The following NIPSNAP3B variants were observed in gnomAD, a reference collection of about 807,000 sequenced individuals.
NIPSNAP3B encodes protein NipSnap homolog 3B.
A neutral mutation model predicts 31.5 loss-of-function variants in NIPSNAP3B; 30 were observed. That is an observed-to-expected ratio of 0.95 (90% CI 0.71 to 1.29). NIPSNAP3B has a LOEUF of 1.29. NIPSNAP3B is among the 50% of genes most tolerant of loss of function. The pLI is 0.00. For synonymous variants in NIPSNAP3B, 106 were observed against 107.9 expected, an observed-to-expected ratio of 0.98 and a Z score of 0.11; for missense variants, 269 against 300.7, an observed-to-expected ratio of 0.89 and a Z score of 0.78.
chr9:104,787,279 A>G, the NIPSNAP3B span, among the ~76,000 whole-genome samples: 834 of 152,328 alleles, frequency 5.5e-3, 9 homozygotes, highest in African/African-American at 0.018. Flanking sequence ...TTCATGACTG[A>G]TAAGTATATA....
In NIPSNAP3B at chr9:104,764,175, G is replaced by A. The variant is rs1019130129; in HGVS notation, c.-66G>A. 1.1e-5 allele frequency: 16 copies of A among 1,474,170 alleles called. No individual in the cohort carries two copies. In the East Asian group the frequency reaches 3.0e-4, roughly 27 times the overall value. The allele number at this position is 1,474,170 out of a possible 1,614,324, so 91.3% of individuals were successfully genotyped here. A position where few individuals can be genotyped will look rare whatever the true frequency, so the allele number is the denominator to read the frequency against. Reference sequence around the variant, plus strand: ...TCCAGGAGCCGCTTTTTTCCACTCGGGAAGACTTCAGAGAAGTCTCACAAA... The same window carrying A: ...TCCAGGAGCCGCTTTTTTCCACTCGAGAAGACTTCAGAGAAGTCTCACAAA... On this transcript the variant is annotated 5_prime_UTR_variant, in exon 1 of 6. Transcript: ENST00000374762.
chr9:104,781,412 T>C (rs1196749404), downstream of NIPSNAP3B: 1 of 149,130 alleles, frequency 6.7e-6, no homozygotes, highest in African/African-American at 2.5e-5. Context: ...TACTAGTAGA[T>C]AATAACAAGG....
At chr9:104,768,817 CG>C (rs747877367) in intron 2 of NIPSNAP3B, 45 bp from the exon 3 acceptor site, 8 of 1,536,146 alleles carry the variant, frequency 5.2e-6, no homozygotes, top group Non-Finnish European at 7.1e-6. Flanking sequence ...AAAATATGGG[CG>C]ATTTTAAATA....
chr9:104,786,527 T>A, the NIPSNAP3B span: 4 of 809,130 alleles, frequency 4.9e-6, no homozygotes, highest in South Asian at 5.7e-5. Context: ...GGGATGATGC[T>A]GTTCAGTGTA....
At position 104,775,673 on chromosome 9, in the gene NIPSNAP3B, C is replaced by T. The variant is rs576078847; in HGVS notation, c.*2600C>T. ...CAGGCTCATCACATCCAGGTGTGTT[C>T]CCCACACCTCCACCTGAATGTCTAT... On this transcript the variant is annotated 3_prime_UTR_variant, in exon 6 of 6. Coordinates refer to ENST00000374762, the MANE Select transcript of NIPSNAP3B (RefSeq NM_018376.4). Among the ~76,000 whole-genome samples the T allele has an allele frequency of 6.6e-6, 1 of 152,112 alleles. No homozygotes were observed. The highest frequency in any genetic ancestry group is 1.5e-5 in the Non-Finnish European group (1 of 68,022).
At chr9:104,787,179 G>C in the NIPSNAP3B span, among the ~76,000 whole-genome samples, 1 of 152,056 alleles carries the variant, frequency 6.6e-6, no homozygotes, top group African/African-American at 2.4e-5. Context: ...ATTGATGCAG[G>C]AAACTCAAAT....
downstream of NIPSNAP3B, among the ~76,000 whole-genome samples, chr9:104,780,484 G>C (rs893650114): frequency 6.6e-6 from 1 of 152,146 alleles, no homozygotes; most frequent in African/African-American, 2.4e-5. Context: ...CTCATATGTT[G>C]TCTGCACAGC....
intron 1 of NIPSNAP3B, among the ~76,000 whole-genome samples, chr9:104,765,980 A>G (rs1828082651): frequency 6.6e-6 from 1 of 152,248 alleles, no homozygotes; most frequent in African/African-American, 2.4e-5. Flanking sequence ...TATTGGCTAA[A>G]CAGGGGAAAA....
chr9:104,768,955 G>T lies in NIPSNAP3B; in HGVS notation c.364G>T (p.Asp122Tyr). 6.2e-7 allele frequency: 1 copy of T among 1,613,940 alleles called. No individual in the cohort carries two copies. Among genetic ancestry groups the T allele is most frequent in the South Asian group, 1.1e-5 (1 of 91,068 alleles). ...TATCATTCCAAATTTGGCTCGCATT[G>T]ATAAACAAGAGACGGAAATTACTTA... is the stretch of plus-strand genomic sequence containing the variant. ...QSIIPNLARI[D>Y]KQETEITYLI... Residue 122 changes from aspartate (D) to tyrosine (Y), a missense_variant, in exon 3 of 6, where the codon GAT becomes TAT. Transcript: ENST00000374762.
At chr9:104,765,682 T>A (rs1442194334) in intron 1 of NIPSNAP3B, among the ~76,000 whole-genome samples, 1 of 152,226 alleles carries the variant, frequency 6.6e-6, no homozygotes, top group Non-Finnish European at 1.5e-5. Flanking sequence ...TGAGTTTTTT[T>A]CCTTTTCAGC....
Position 104,765,875 on chromosome 9 carries a change from G to A in NIPSNAP3B, c.61-450G>A, listed in dbSNP as rs184123719. 2.7e-4 allele frequency among the ~76,000 whole-genome samples: 41 copies of A among 152,206 alleles called. No homozygotes were observed. In the East Asian group the frequency reaches 7.9e-3, roughly 29 times the overall value. On this transcript the variant is annotated intron_variant, in intron 1 of 5. Coordinates refer to ENST00000374762, the MANE Select transcript of NIPSNAP3B (RefSeq NM_018376.4). ...TTTTAAAAACAAGAGTTTTTTGTTA[G>A]TAAACGTATTTTTGGGCCTGCCAAA...
At chr9:104,785,303 A>C in the NIPSNAP3B span, 5 of 1,524,930 alleles carry the variant, frequency 3.3e-6, no homozygotes, top group Non-Finnish European at 4.5e-6. Flanking sequence ...GCACCAATTC[A>C]AGATACAAAC....
the NIPSNAP3B span, chr9:104,786,950 G>A: frequency 6.2e-7 from 1 of 1,614,008 alleles, no homozygotes; most frequent in African/African-American, 1.3e-5. Context: ...GCCGGGCTTT[G>A]GGATCCATGC....
the NIPSNAP3B span, chr9:104,785,264 T>C: frequency 2.6e-5 from 32 of 1,218,936 alleles, no homozygotes; most frequent in Non-Finnish European, 3.4e-5. Flanking sequence ...GTAAAAAGCA[T>C]AGCTAGGAAT....
At chr9:104,788,610 G>T in the NIPSNAP3B span, 11 of 1,609,860 alleles carry the variant, frequency 6.8e-6, no homozygotes, top group South Asian at 5.5e-5. Flanking sequence ...AGCAGGTAGA[G>T]ATACTCTGGT....
the NIPSNAP3B span, chr9:104,785,354 C>A: frequency 5.6e-6 from 9 of 1,612,322 alleles, no homozygotes; most frequent in East Asian, 2.0e-4. Context: ...GGCAGGAATC[C>A]ACACCCTGAG....
downstream of NIPSNAP3B, among the ~76,000 whole-genome samples, chr9:104,779,467 T>A (rs1828409322): frequency 6.6e-6 from 1 of 152,158 alleles, no homozygotes; most frequent in South Asian, 2.1e-4. Flanking sequence ...CCTCTGCCAC[T>A]TGACTGAACC....
At chr9:104,790,782 G>A in the NIPSNAP3B span, 3 of 629,268 alleles carry the variant, frequency 4.8e-6, no homozygotes, top group East Asian at 2.8e-5. Context: ...ATGATTTTAT[G>A]TGCTTCTTTA....
chr9:104,765,348 T>C (rs1009982114), intron 1 of NIPSNAP3B, among the ~76,000 whole-genome samples: 20 of 152,214 alleles, frequency 1.3e-4, no homozygotes, highest in African/African-American at 4.8e-4. Flanking sequence ...ATGCTAACCA[T>C]GCCTAAATGA....
Sources: gnomAD v4.1 joint callset for allele counts (sites outside exome capture counted in the v4.1 genomes callset) on GRCh38, gnomAD v4.1.1 for gene constraint, MANE v1.5 for transcripts, NCBI Gene and HGNC (gene_info 2026-07-23, HGNC 2026-07-21) for gene names.